The following PTPRT variants were observed in gnomAD, a reference collection of about 807,000 sequenced individuals.
PTPRT encodes protein tyrosine phosphatase receptor type T, also known as receptor-type tyrosine-protein phosphatase T.
In PTPRT, 56 loss-of-function variants were observed where a neutral mutation model predicts 176.8. The ratio of observed to expected loss-of-function variants is 0.32; its 90% CI spans 0.26 to 0.40. PTPRT has a LOEUF of 0.40. PTPRT is among the 10% of genes least tolerant of loss of function. The probability of loss-of-function intolerance (pLI) is 1.00; values close to 1 mark genes in which losing one functional copy is unlikely to be tolerated. For synonymous variants in PTPRT, 783 were observed against 739.0 expected (o/e 1.06, Z -0.96); for missense variants, 1,540 against 1,908.2 (o/e 0.81, Z 3.60).
At chr20:43,000,796 T>C (rs1568726752) in intron 1 of PTPRT, among the ~76,000 whole-genome samples, 1 of 152,060 alleles carries the variant, frequency 6.6e-6, no homozygotes, top group South Asian at 2.1e-4. Flanking sequence ...TAGTCAGTGA[T>C]ACGACAGAAG....
chr20:43,166,656 T>C (rs541617332), intron 1 of PTPRT, among the ~76,000 whole-genome samples: 2 of 152,282 alleles, frequency 1.3e-5, no homozygotes, highest in South Asian at 4.1e-4. Context: ...TTTTCACATT[T>C]CCATTTTCTA....
At chr20:42,805,079 G>A (rs1469765907) in intron 2 of PTPRT, among the ~76,000 whole-genome samples, 1 of 152,156 alleles carries the variant, frequency 6.6e-6, no homozygotes, top group Non-Finnish European at 1.5e-5. Flanking sequence ...TCCTAGGAGG[G>A]TTTCTGTAGA....
intron 1 of PTPRT, among the ~76,000 whole-genome samples, chr20:43,135,585 GACAA>G (rs1309058134): frequency 6.6e-6 from 1 of 152,050 alleles, no homozygotes; most frequent in Non-Finnish European, 1.5e-5. Flanking sequence ...ATTCAATGTA[GACAA>G]ACAAATAAAA....
At chr20:42,429,375 C>T (rs577685747) in intron 9 of PTPRT, among the ~76,000 whole-genome samples, 1 of 152,006 alleles carries the variant, frequency 6.6e-6, no homozygotes, top group African/African-American at 2.4e-5. Context: ...ACTAAGTAAG[C>T]GAGAGTGGGA....
At chr20:42,923,053 G>A (rs866604958) in intron 1 of PTPRT, among the ~76,000 whole-genome samples, 4 of 152,192 alleles carry the variant, frequency 2.6e-5, no homozygotes, top group Middle Eastern at 3.4e-3. Flanking sequence ...GCTCCATGAT[G>A]AATTTAGGGA....
At chr20:42,194,698 C>G (rs1991131647) in intron 16 of PTPRT, among the ~76,000 whole-genome samples, 1 of 152,150 alleles carries the variant, frequency 6.6e-6, no homozygotes. Flanking sequence ...TTAATAAAAG[C>G]TAGCATTTCT....
chr20:43,009,984 T>C (rs886625777), intron 1 of PTPRT, among the ~76,000 whole-genome samples: 2 of 152,246 alleles, frequency 1.3e-5, no homozygotes, highest in Admixed American at 1.3e-4. Context: ...AAACTCATCA[T>C]CTTTCCCACC....
At position 42,196,179 on chromosome 20, in the gene PTPRT, G is replaced by A. The variant is rs373329156; in HGVS notation, c.2491+3061C>T. On this transcript the variant is annotated intron_variant, in intron 16 of 30. Coordinates refer to ENST00000373187, the MANE Select transcript of PTPRT (RefSeq NM_007050.6). ...ATGGAAAAAAGTGCACAAGAGGCTGGACTGGACAGAAAAGGATGAATTGGT... is the reference window on the plus strand; with the variant it reads ...ATGGAAAAAAGTGCACAAGAGGCTGAACTGGACAGAAAAGGATGAATTGGT... Among the ~76,000 whole-genome samples the A allele has an allele frequency of 5.3e-5, 8 of 152,284 alleles. No individual in the cohort carries two copies. The South Asian group carries it at 8.3e-4, about 16-fold the overall frequency.
At chr20:42,786,842 A>G (rs62205405) in intron 3 of PTPRT, among the ~76,000 whole-genome samples, 4,064 of 152,260 alleles carry the variant, frequency 0.027, 71 homozygotes, top group Middle Eastern at 0.11. Flanking sequence ...TCTAGGGAGT[A>G]GGGTATCTGG....
chr20:42,219,616 G>C (rs1432451735), intron 15 of PTPRT, among the ~76,000 whole-genome samples: 1 of 152,214 alleles, frequency 6.6e-6, no homozygotes, highest in African/African-American at 2.4e-5. Flanking sequence ...TGCTTACTGA[G>C]TGCTTGCTGG....
At chr20:42,986,875 A>G (rs1007464397) in intron 1 of PTPRT, among the ~76,000 whole-genome samples, 8 of 152,196 alleles carry the variant, frequency 5.3e-5, no homozygotes, top group African/African-American at 1.9e-4. Flanking sequence ...TGTGAACACC[A>G]GAGGCTGGGG....
At chr20:42,609,986 C>T (rs899322604) in intron 7 of PTPRT, among the ~76,000 whole-genome samples, 1 of 152,234 alleles carries the variant, frequency 6.6e-6, no homozygotes, top group African/African-American at 2.4e-5. Context: ...TGACTCCAAG[C>T]ATCCAACCTC....
intron 1 of PTPRT, among the ~76,000 whole-genome samples, chr20:43,022,341 A>G (rs1265853095): frequency 1.3e-5 from 2 of 152,200 alleles, no homozygotes; most frequent in African/African-American, 4.8e-5. Flanking sequence ...GAGACTCTCA[A>G]AAGTCCACCA....
At chr20:43,083,098 T>C (rs1038247439) in intron 1 of PTPRT, among the ~76,000 whole-genome samples, 6 of 151,854 alleles carry the variant, frequency 4.0e-5, no homozygotes, top group African/African-American at 1.5e-4. Context: ...CCCTCTTCCC[T>C]GGCAATACTC....
intron 2 of PTPRT, among the ~76,000 whole-genome samples, chr20:42,803,997 TG>T (rs1020612684): frequency 1.3e-5 from 2 of 152,168 alleles, no homozygotes; most frequent in Non-Finnish European, 2.9e-5. Context: ...ATAGTTGCCC[TG>T]GTGTGCCAGG....
At chr20:42,701,119 A>G (rs928212836) in intron 6 of PTPRT, among the ~76,000 whole-genome samples, 1 of 152,108 alleles carries the variant, frequency 6.6e-6, no homozygotes, top group African/African-American at 2.4e-5. Context: ...CTTTCGGTGT[A>G]TTTTAAACCA....
intron 1 of PTPRT, among the ~76,000 whole-genome samples, chr20:43,011,840 A>C (rs1036229512): frequency 3.3e-5 from 5 of 152,224 alleles, no homozygotes; most frequent in Non-Finnish European, 5.9e-5. Flanking sequence ...ATCAGCTGCC[A>C]TGTGACTGGA....
intron 1 of PTPRT, among the ~76,000 whole-genome samples, chr20:43,031,663 A>T (rs868771504): frequency 2.0e-5 from 3 of 152,280 alleles, no homozygotes; most frequent in Middle Eastern, 6.8e-3. Flanking sequence ...TAACTTTAGC[A>T]GTGTCTGACT....
At chr20:42,274,677 G>A (rs895180024) in intron 13 of PTPRT, among the ~76,000 whole-genome samples, 16 of 152,006 alleles carry the variant, frequency 1.1e-4, no homozygotes, top group African/African-American at 3.1e-4. Flanking sequence ...TCAGTGTTGA[G>A]TGCAGAGAGA....
Sources: gnomAD v4.1 joint callset for allele counts (sites outside exome capture counted in the v4.1 genomes callset) on GRCh38, gnomAD v4.1.1 for gene constraint, MANE v1.5 for transcripts, NCBI Gene and HGNC (gene_info 2026-07-23, HGNC 2026-07-21) for gene names.